Variants in NHSL2 observed in about 807,000 individuals in gnomAD.
The protein encoded by NHSL2 is NHS-like protein 2.
A neutral mutation model predicts 53.4 loss-of-function variants in NHSL2; 27 were observed. The ratio of observed to expected loss-of-function variants is 0.51; its 90% CI spans 0.37 to 0.70. NHSL2 has a LOEUF of 0.70. Among genes scored for constraint, NHSL2 ranks in the 30% least tolerant of loss-of-function variants. The probability of loss-of-function intolerance (pLI) is 0.00; values close to 1 mark genes in which losing one functional copy is unlikely to be tolerated. For synonymous variants in NHSL2, 408 were observed against 404.1 expected, an observed-to-expected ratio of 1.01 and a Z score of -0.12; for missense variants, 892 against 980.1, an observed-to-expected ratio of 0.91 and a Z score of 1.20.
At chrX:72,012,891 T>C (rs1289687986) in intron 1 of NHSL2, among the ~76,000 whole-genome samples, 1 of 112,569 alleles carries the variant, frequency 8.9e-6, no homozygotes, top group African/African-American at 3.2e-5. Flanking sequence ...GTTTCATTGA[T>C]CTGTGTGTCT....
intron 1 of NHSL2, among the ~76,000 whole-genome samples, chrX:71,994,098 T>C (rs774246317): frequency 1.8e-5 from 2 of 112,067 alleles, no homozygotes; most frequent in Non-Finnish European, 3.8e-5. Context: ...CTCTCTCTGA[T>C]CCCTTAGTAT....
intron 1 of NHSL2, among the ~76,000 whole-genome samples, chrX:72,121,538 C>T (rs1372421213): frequency 8.9e-6 from 1 of 111,795 alleles, no homozygotes; most frequent in African/African-American, 3.3e-5. Flanking sequence ...CTCAGCCCCA[C>T]CCTGGGCTGC....
chrX:72,056,434 G>A (rs1396474983), intron 1 of NHSL2, among the ~76,000 whole-genome samples: 1 of 111,692 alleles, frequency 9.0e-6, no homozygotes, highest in African/African-American at 3.3e-5. Flanking sequence ...TTTACCAACA[G>A]GCCTCCTAGA....
intron 2 of NHSL2, 23 bp downstream of exon 2, chrX:72,132,257 C>A: frequency 8.8e-7 from 1 of 1,135,418 alleles, no homozygotes; most frequent in South Asian, 2.0e-5. Context: ...AGGGGGGCTG[C>A]GGCCGGAGCC....
At chrX:72,009,955 T>C (rs2147891706) in intron 1 of NHSL2, among the ~76,000 whole-genome samples, 1 of 113,338 alleles carries the variant, frequency 8.8e-6, no homozygotes, top group South Asian at 3.6e-4. Context: ...TCATTCCTGC[T>C]GTTCACAGTT....
At chrX:72,077,094 G>A (rs1317361820) in intron 1 of NHSL2, among the ~76,000 whole-genome samples, 1 of 110,655 alleles carries the variant, frequency 9.0e-6, no homozygotes, top group African/African-American at 3.3e-5. Flanking sequence ...TCAGAGATGT[G>A]CAATCCCCTC....
chrX:72,054,612 C>T, intron 1 of NHSL2, among the ~76,000 whole-genome samples: 1 of 111,725 alleles, frequency 9.0e-6, no homozygotes, highest in Non-Finnish European at 1.9e-5. Flanking sequence ...TTTTTCTTTC[C>T]CAATTTGCTA....
intron 1 of NHSL2, among the ~76,000 whole-genome samples, chrX:72,002,265 T>A (rs2042075604): frequency 8.9e-6 from 1 of 112,221 alleles, no homozygotes; most frequent in African/African-American, 3.2e-5. Flanking sequence ...CCTTCCTGGC[T>A]CCTAAAGGCA....
Position 72,077,880 on chromosome X carries a change from C to T in NHSL2, c.281-54199C>T, listed in dbSNP as rs1425964879. Among the ~76,000 whole-genome samples, 4 of 112,393 alleles carry T rather than the reference C, an allele frequency of 3.6e-5. No individual in the cohort carries two copies. In the South Asian group the frequency reaches 1.1e-3, roughly 31 times the overall value. ...GCCCTCCTGCGCCTTAGAGGGAAGG[C>T]CCAGGGTACCGGTCAGAAAGGCCAT... On this transcript the variant is annotated intron_variant, in intron 1 of 7. Transcript: ENST00000633930.
At chrX:72,114,522 A>G (rs889938075) in intron 1 of NHSL2, among the ~76,000 whole-genome samples, 11 of 111,736 alleles carry the variant, frequency 9.8e-5, no homozygotes, top group Non-Finnish European at 1.7e-4. Context: ...GGGATCAACA[A>G]CTGTGGAAAG....
At chrX:72,049,012 AGAGGAAGAGGAAGAG>A (rs1374787409) in intron 1 of NHSL2, among the ~76,000 whole-genome samples, 4 of 84,476 alleles carry the variant, frequency 4.7e-5, no homozygotes, top group African/African-American at 1.7e-4. Flanking sequence ...AAGAAGAAGA[AGAGGAAGAGGAAGAG>A]GAAGAGGAAG....
intron 1 of NHSL2, among the ~76,000 whole-genome samples, chrX:72,100,675 G>C: frequency 8.9e-6 from 1 of 111,944 alleles, no homozygotes; most frequent in Non-Finnish European, 1.9e-5. Context: ...GTGCATGTGA[G>C]GGATCTCAAT....
At chrX:71,940,772 C>T (rs1453317192) in intron 1 of NHSL2, among the ~76,000 whole-genome samples, 1 of 110,412 alleles carries the variant, frequency 9.1e-6, no homozygotes, top group African/African-American at 3.3e-5. Flanking sequence ...TAGAAGTGCT[C>T]AGAGAGCCAC....
intron 1 of NHSL2, among the ~76,000 whole-genome samples, chrX:71,919,657 TC>T (rs2041647121): frequency 9.0e-6 from 1 of 110,970 alleles, no homozygotes; most frequent in African/African-American, 3.3e-5. Context: ...CCCTTCATTC[TC>T]CCCCACTGAC....
At position 72,132,148 on chromosome X, in the gene NHSL2, T is replaced by C; in HGVS notation, c.350T>C (p.Val117Ala). Residue 117 changes from valine to alanine, a missense_variant, in exon 2 of 8, where the codon GTG (valine) becomes GCG (alanine). Val to Ala is a moderately conservative substitution (Grantham distance 64, BLOSUM62 0). Coordinates refer to ENST00000633930, the MANE Select transcript of NHSL2 (RefSeq NM_001013627.3). ...AHSRSSWRQP[V>A]NVFLSSGRPP... ...TCGAGGTCGTCATGGCGACAGCCAG[T>C]GAACGTGTTCCTCTCCTCGGGCAGG... 2.6e-6 allele frequency: 3 copies of C among 1,166,772 alleles called. No homozygotes were observed. Among genetic ancestry groups the C allele is most frequent in the Non-Finnish European group, 3.4e-6 (3 of 872,276 alleles).
chrX:71,915,813 G>A (rs771649408), intron 1 of NHSL2, among the ~76,000 whole-genome samples: 2 of 111,397 alleles, frequency 1.8e-5, no homozygotes, highest in African/African-American at 6.5e-5. Context: ...GTTGTTCTTC[G>A]AGAGTCATTT....
rs141271727 is a variant in NHSL2 at position 72,133,405 on chromosome X, C to T, written c.437-686C>T. Among the ~76,000 whole-genome samples the T allele has an allele frequency of 3.5e-3, 389 of 112,230 alleles. 1 individual carries two copies. Among genetic ancestry groups the T allele is most frequent in the Non-Finnish European group, 5.8e-3 (309 of 53,166 alleles). On this transcript the variant is annotated intron_variant, in intron 2 of 7. Coordinates refer to ENST00000633930, the MANE Select transcript of NHSL2 (RefSeq NM_001013627.3). ...TTCAGTGTACATACAGCATGAATGT[C>T]CCTTCTCTACTCTCACTTTCTTCAT...
chrX:71,953,251 T>TG (rs1282374994), intron 1 of NHSL2, among the ~76,000 whole-genome samples: 4 of 112,306 alleles, frequency 3.6e-5, no homozygotes, highest in African/African-American at 6.5e-5. Flanking sequence ...TCAAGGCAAA[T>TG]GGTCTTGTTT....
chrX:71,926,185 C>T (rs1319707199), intron 1 of NHSL2, among the ~76,000 whole-genome samples: 1 of 111,705 alleles, frequency 9.0e-6, no homozygotes, highest in Non-Finnish European at 1.9e-5. Flanking sequence ...CATGTGATTC[C>T]CATGACAACC....
Sources: allele counts gnomAD v4.1 joint callset (sites outside exome capture counted in the v4.1 genomes callset), GRCh38; gene constraint gnomAD v4.1.1; transcripts MANE v1.5; gene names NCBI Gene and HGNC (gene_info 2026-07-23, HGNC 2026-07-21).